Variants in CUBN observed in about 807,000 individuals in gnomAD.
CUBN encodes cubilin.
A neutral mutation model predicts 405.3 loss-of-function variants in CUBN; 282 were observed. The observed-to-expected ratio is 0.70, with a 90% CI of 0.63 to 0.77. The LOEUF is 0.77. Among genes scored for constraint, CUBN ranks in the 30% least tolerant of loss-of-function variants. CUBN has a pLI of 0.00. For missense variants in CUBN, 4,514 were observed against 4,475.2 expected, an observed-to-expected ratio of 1.01 and a Z score of -0.25; for synonymous variants, 1,684 against 1,617.0, an observed-to-expected ratio of 1.04 and a Z score of -0.99.
chr10:16,848,751 G>C (rs1336126276), intron 60 of CUBN, among the ~76,000 whole-genome samples: 1 of 131,766 alleles, frequency 7.6e-6, no homozygotes, highest in Non-Finnish European at 1.5e-5. Flanking sequence ...GCCCAGGCTG[G>C]TGTGCAGTGA....
At chr10:17,003,557 T>C (rs928995335) in intron 28 of CUBN, among the ~76,000 whole-genome samples, 3 of 152,224 alleles carry the variant, frequency 2.0e-5, no homozygotes, top group African/African-American at 7.2e-5. Flanking sequence ...AAAAGTTTTT[T>C]GTTCAATAAC....
chr10:16,887,738 A>G (rs1415614790), intron 56 of CUBN, among the ~76,000 whole-genome samples: 1 of 152,246 alleles, frequency 6.6e-6, no homozygotes, highest in Non-Finnish European at 1.5e-5. Context: ...GATCCAAAGG[A>G]AATCAAATCA....
chr10:17,085,600 G>A lies in CUBN; in HGVS notation c.2107C>T (p.Pro703Ser), dbSNP rs1441693723. Residue 703 changes from proline (P) to serine (S), a missense_variant, in exon 16 of 67, where the codon CCT becomes TCT. By Grantham distance (74) the Pro-to-Ser change is moderately conservative (BLOSUM62 -1). Coordinates refer to ENST00000377833, the MANE Select transcript of CUBN (RefSeq NM_001081.4). ...QGFHITYLTS[P>S]SDLRCGGNYT... is the part of the protein sequence containing the mutation. Reference sequence around the variant, plus strand: ...CCCCAACTGGTAGGTTACTTACAAGGTGATGTTAAGTAGGTGATATGGAAG... The same window carrying A: ...CCCCAACTGGTAGGTTACTTACAAGATGATGTTAAGTAGGTGATATGGAAG... The A allele has an allele frequency of 8.7e-6, 14 of 1,613,888 alleles. No homozygotes were observed. The highest frequency in any genetic ancestry group is 1.7e-4 in the Middle Eastern group (1 of 6,058).
chr10:16,971,382 T>C (rs1832929141), intron 31 of CUBN, among the ~76,000 whole-genome samples: 1 of 152,200 alleles, frequency 6.6e-6, no homozygotes, highest in Non-Finnish European at 1.5e-5. Context: ...CTAACAAGCT[T>C]CCAGCCTTGC....
chr10:16,908,360 G>A (rs1262489731), intron 48 of CUBN, among the ~76,000 whole-genome samples: 6 of 152,100 alleles, frequency 3.9e-5, no homozygotes, highest in African/African-American at 1.4e-4. Flanking sequence ...GGTCAGGCTG[G>A]TCTTGAACTC....
At chr10:16,972,681 C>T (rs565901021) in intron 31 of CUBN, among the ~76,000 whole-genome samples, 1 of 152,176 alleles carries the variant, frequency 6.6e-6, no homozygotes, top group South Asian at 2.1e-4. Context: ...CTGTCTCGGC[C>T]TCCCAAAGTG....
chr10:16,833,936 A>G (rs1359473530), intron 64 of CUBN, among the ~76,000 whole-genome samples: 1 of 152,200 alleles, frequency 6.6e-6, no homozygotes, highest in Non-Finnish European at 1.5e-5. Flanking sequence ...GAACAAGCAC[A>G]CTTTTTGGAA....
rs184298964 is a variant in CUBN at position 16,906,599 on chromosome 10, G to A, written c.7706-190C>T. Among the ~76,000 whole-genome samples the A allele has an allele frequency of 8.5e-5, 13 of 152,300 alleles. 1 individual carries two copies. In the East Asian group the frequency reaches 2.5e-3, roughly 29 times the overall value. ...TTCTGCAAGTTTATAAAGGAAAGAT[G>A]TGCAAAAATCAACAACTTCTCTATT... On this transcript the variant is annotated intron_variant, in intron 49 of 66. Transcript: ENST00000377833.
chr10:16,868,781 A>G (rs571570350), intron 59 of CUBN, among the ~76,000 whole-genome samples: 2 of 152,104 alleles, frequency 1.3e-5, no homozygotes, highest in East Asian at 3.9e-4. Flanking sequence ...CCGCTACATC[A>G]CCCTCTCCAG....
intron 65 of CUBN, among the ~76,000 whole-genome samples, chr10:16,830,444 T>G (rs1398767787): frequency 1.3e-5 from 2 of 152,232 alleles, no homozygotes; most frequent in Non-Finnish European, 2.9e-5. Flanking sequence ...TTGAATTAAA[T>G]GTATTGACAT....
chr10:16,895,071 A>C (rs11254268), intron 54 of CUBN, among the ~76,000 whole-genome samples: 8,621 of 152,192 alleles, frequency 0.057, 806 homozygotes, highest in East Asian at 0.33. Flanking sequence ...TGTTACTTAC[A>C]TTTTGGCCTG....
chr10:17,029,628 G>C (rs1171604879), intron 27 of CUBN, among the ~76,000 whole-genome samples: 1 of 152,180 alleles, frequency 6.6e-6, no homozygotes, highest in Admixed American at 6.5e-5. Context: ...AATTGTAATA[G>C]CTTATCTCTA....
chr10:17,006,689 G>A (rs956518397), intron 28 of CUBN, among the ~76,000 whole-genome samples: 8 of 152,158 alleles, frequency 5.3e-5, no homozygotes, highest in African/African-American at 1.9e-4. Flanking sequence ...TTGGTACAGT[G>A]CCTCATGCCC....
Position 16,907,544 on chromosome 10 carries a change from C to T in CUBN, c.7669G>A (p.Gly2557Ser), listed in dbSNP as rs202089701. 2.2e-5 allele frequency: 36 copies of T among 1,614,070 alleles called. No homozygotes were observed. In the East Asian group the frequency reaches 3.3e-4, roughly 15 times the overall value. ...FFTDGSRPYG[G>S]FTASYTSSED... is the part of the protein sequence containing the mutation. ...CTGGAGGTATAGGAAGCAGTGAAGCCGCCATATGGCCTGGATCCATCCGTG... is the reference window on the plus strand; with the variant it reads ...CTGGAGGTATAGGAAGCAGTGAAGCTGCCATATGGCCTGGATCCATCCGTG... Residue 2557 changes from glycine to serine, a missense_variant, in exon 49 of 67, where the codon GGC (glycine) becomes AGC (serine). Coordinates refer to ENST00000377833, the MANE Select transcript of CUBN (RefSeq NM_001081.4).
intron 51 of CUBN, 46 bp downstream of exon 51, chr10:16,903,917 CATT>C: frequency 7.6e-7 from 1 of 1,319,762 alleles, no homozygotes; most frequent in Non-Finnish European, 1.1e-6. Flanking sequence ...GGAAAAAAAT[CATT>C]AATCTTTATA....
chr10:16,872,239 C>CAAAT (rs1840377544), intron 58 of CUBN, among the ~76,000 whole-genome samples: 1 of 151,570 alleles, frequency 6.6e-6, no homozygotes, highest in Admixed American at 6.6e-5. Flanking sequence ...GAGCTAGTCT[C>CAAAT]AAATAAATAA....
intron 64 of CUBN, 130 bp from the exon 65 acceptor site, chr10:16,831,547 C>T (rs1339678493): frequency 2.5e-5 from 21 of 849,516 alleles, no homozygotes; most frequent in Non-Finnish European, 3.7e-5. Flanking sequence ...AAGAATGAAG[C>T]GTTTTCTGAA....
rs142305148 is a variant in CUBN, at chr10:17,125,819, G to T, written c.387+942C>A. Among the ~76,000 whole-genome samples the T allele has an allele frequency of 7.9e-5, 12 of 152,232 alleles. No individual in the cohort carries two copies. The East Asian group carries it at 1.7e-3, about 22-fold the overall frequency. ...AGACAAAACTTGAGTGCAGTGTCACGGTCCACAGCACTATTCTTTACTCAT... is the reference window on the plus strand; with the variant it reads ...AGACAAAACTTGAGTGCAGTGTCACTGTCCACAGCACTATTCTTTACTCAT... On this transcript the variant is annotated intron_variant, in intron 4 of 66. Transcript: ENST00000377833.
At chr10:17,042,204 T>C (rs1835035929) in intron 26 of CUBN, among the ~76,000 whole-genome samples, 1 of 152,212 alleles carries the variant, frequency 6.6e-6, no homozygotes, top group Admixed American at 6.6e-5. Context: ...AAACCCATTC[T>C]GTTTGAAAAT....
Sources: allele counts gnomAD v4.1 joint callset (sites outside exome capture counted in the v4.1 genomes callset), GRCh38; gene constraint gnomAD v4.1.1; transcripts MANE v1.5; gene names NCBI Gene and HGNC (gene_info 2026-07-23, HGNC 2026-07-21).